The following MAGI1 variants were observed in gnomAD, a reference collection of about 807,000 sequenced individuals.
MAGI1 encodes the protein membrane-associated guanylate kinase, WW and PDZ domain-containing protein 1.
A neutral mutation model predicts 139.9 loss-of-function variants in MAGI1; 58 were observed. The observed-to-expected ratio is 0.41, with a 90% CI of 0.34 to 0.52. The LOEUF (loss-of-function observed/expected upper bound fraction) is 0.52, where lower values mean the gene tolerates loss of function less well. Among genes scored for constraint, MAGI1 ranks in the 20% least tolerant of loss-of-function variants. The pLI is 0.12. For missense variants in MAGI1, 1,874 were observed against 1,901.6 expected (o/e 0.99, Z 0.27); for synonymous variants, 812 against 737.9 (o/e 1.10, Z -1.63).
At position 65,389,375 on chromosome 3, in the gene MAGI1, C is replaced by T. The variant is rs28509290; in HGVS notation, c.2416+1767G>A. On this transcript the variant is annotated intron_variant, in intron 14 of 22. Coordinates refer to ENST00000402939, the MANE Select transcript of MAGI1 (RefSeq NM_001033057.2). ...TTGTCCTGTCAACCCAGGACGCCCC[C>T]GCCAGCCCTTCAGAATGCAATTCAT... is the stretch of plus-strand genomic sequence containing the variant. Among the ~76,000 whole-genome samples, 256 of 152,214 alleles carry T rather than the reference C, an allele frequency of 1.7e-3. 1 individual carries two copies. The highest frequency in any genetic ancestry group is 5.9e-3 in the African/African-American group (247 of 41,518).
chr3:65,388,718 A>G (rs1348367435), intron 14 of MAGI1, among the ~76,000 whole-genome samples: 1 of 151,832 alleles, frequency 6.6e-6, no homozygotes, highest in Non-Finnish European at 1.5e-5. Flanking sequence ...GCTACTATCT[A>G]TCCGTCAACT....
At chr3:65,963,410 G>T (rs1292885683) in intron 1 of MAGI1, among the ~76,000 whole-genome samples, 1 of 151,456 alleles carries the variant, frequency 6.6e-6, no homozygotes, top group Non-Finnish European at 1.5e-5. Context: ...AAGGTCAAGA[G>T]ATCCAGACCA....
intron 1 of MAGI1, among the ~76,000 whole-genome samples, chr3:65,679,000 T>G (rs10510944): frequency 0.011 from 1,638 of 152,286 alleles, 32 homozygotes; most frequent in African/African-American, 0.038. Context: ...AGAATCCTTT[T>G]TTACTTCCGT....
chr3:65,470,285 T>C lies in MAGI1; in HGVS notation c.957A>G (p.Ile319Met). ...AYTENGEVYF[I>M]DHNTKTTSWL... ...GTAGAAATAATGGTATACTTTACTC[T>C]ATAAAATAGACTTCTCCATTTTCAG... Residue 319 changes from isoleucine to methionine, a missense_variant and splice_region_variant, in exon 5 of 23, where the codon ATA (isoleucine) becomes ATG (methionine). This residue lies in a region of MAGI1 where 648 missense variants were observed against 598.1 expected (regional missense o/e 1.08). Transcript: ENST00000402939. 1 of 1,592,030 alleles carries C rather than the reference T, an allele frequency of 6.3e-7. No homozygotes were observed. Among genetic ancestry groups the C allele is most frequent in the Non-Finnish European group, 8.6e-7 (1 of 1,160,256 alleles).
intron 1 of MAGI1, among the ~76,000 whole-genome samples, chr3:65,935,944 C>A (rs2063029834): frequency 6.6e-6 from 1 of 152,226 alleles, no homozygotes; most frequent in South Asian, 2.1e-4. Flanking sequence ...CCCAGGTGAA[C>A]TCGGCAGATG....
chr3:65,835,733 A>G (rs960328376), intron 1 of MAGI1, among the ~76,000 whole-genome samples: 2 of 152,210 alleles, frequency 1.3e-5, no homozygotes, highest in African/African-American at 4.8e-5. Context: ...GTAAATGAGA[A>G]CATTCTTATT....
chr3:65,497,935 A>T (rs1218028184), intron 2 of MAGI1, among the ~76,000 whole-genome samples: 3 of 152,136 alleles, frequency 2.0e-5, no homozygotes, highest in Admixed American at 6.5e-5. Context: ...AGGGTTTATT[A>T]CCCAGACAAA....
chr3:65,775,252 C>G (rs2038280143), intron 1 of MAGI1, among the ~76,000 whole-genome samples: 1 of 151,874 alleles, frequency 6.6e-6, no homozygotes, highest in Non-Finnish European at 1.5e-5. Flanking sequence ...TTCAGACCAG[C>G]CTGGGCAACA....
intron 2 of MAGI1, among the ~76,000 whole-genome samples, chr3:65,575,869 G>C (rs1418200517): frequency 6.6e-6 from 1 of 152,116 alleles, no homozygotes; most frequent in Admixed American, 6.5e-5. Flanking sequence ...CTTAGCACCA[G>C]ATAACATGTT....
At position 65,724,413 on chromosome 3, in the gene MAGI1, T is replaced by G. The variant is rs77063686; in HGVS notation, c.314-102325A>C. 3.3e-5 allele frequency among the ~76,000 whole-genome samples: 5 copies of G among 152,324 alleles called. No individual in the cohort carries two copies. The East Asian group carries it at 9.6e-4, about 29-fold the overall frequency. ...ACCTGAGCATAGCCATAACTTCACCTGAGTATAGTCATAACTACAAAGTCT... is the reference window on the plus strand; with the variant it reads ...ACCTGAGCATAGCCATAACTTCACCGGAGTATAGTCATAACTACAAAGTCT... On this transcript the variant is annotated intron_variant, in intron 1 of 22. Coordinates refer to ENST00000402939, the MANE Select transcript of MAGI1 (RefSeq NM_001033057.2).
At chr3:65,917,936 T>C (rs923946554) in intron 1 of MAGI1, among the ~76,000 whole-genome samples, 1 of 152,144 alleles carries the variant, frequency 6.6e-6, no homozygotes. Flanking sequence ...TGGGTGATAA[T>C]GATGTGTCAA....
At chr3:65,724,502 G>A (rs188380420) in intron 1 of MAGI1, among the ~76,000 whole-genome samples, 90 of 152,278 alleles carry the variant, frequency 5.9e-4, no homozygotes, top group African/African-American at 1.8e-3. Context: ...TAGAATGGAT[G>A]CTATCTGAAA....
chr3:65,956,306 A>C (rs2064123877), intron 1 of MAGI1, among the ~76,000 whole-genome samples: 1 of 152,208 alleles, frequency 6.6e-6, no homozygotes, highest in Non-Finnish European at 1.5e-5. Flanking sequence ...GGAATTTAAA[A>C]TGACATCCCT....
At chr3:65,705,397 C>A (rs1462223483) in intron 1 of MAGI1, among the ~76,000 whole-genome samples, 1 of 152,134 alleles carries the variant, frequency 6.6e-6, no homozygotes, top group Non-Finnish European at 1.5e-5. Context: ...AGGAGCAATA[C>A]CAACAATACA....
At chr3:65,924,138 A>T (rs1445338679) in intron 1 of MAGI1, among the ~76,000 whole-genome samples, 14 of 152,114 alleles carry the variant, frequency 9.2e-5, no homozygotes, top group African/African-American at 2.4e-5. Flanking sequence ...ACCAATTGAC[A>T]CTCATTTAAA....
At chr3:65,891,683 T>C (rs528497508) in intron 1 of MAGI1, among the ~76,000 whole-genome samples, 2 of 131,288 alleles carry the variant, frequency 1.5e-5, no homozygotes, top group South Asian at 2.4e-4. Flanking sequence ...TGCATGACAA[T>C]AGCCCTAAGG....
chr3:65,546,964 T>G (rs891320744), intron 2 of MAGI1, among the ~76,000 whole-genome samples: 3 of 152,220 alleles, frequency 2.0e-5, no homozygotes, highest in African/African-American at 7.2e-5. Context: ...TTTGTGTCTA[T>G]GCATACATGT....
intron 12 of MAGI1, among the ~76,000 whole-genome samples, chr3:65,423,073 T>C (rs2107289991): frequency 6.6e-6 from 1 of 152,162 alleles, no homozygotes; most frequent in South Asian, 2.1e-4. Flanking sequence ...TAAACCAAGT[T>C]TGAGTACACT....
In MAGI1 at chr3:65,442,858, T is replaced by C. The variant is rs749283681; in HGVS notation, c.1079-9A>G. The C allele has an allele frequency of 6.2e-7, 1 of 1,610,728 alleles. No individual in the cohort carries two copies. The highest frequency in any genetic ancestry group is 8.5e-7 in the Non-Finnish European group (1 of 1,177,718). ...CCAACCAGCAGGCAGTTCTGAAAAA[T>C]AAAAGAACATTTAGGGCAAGAAGAG... On this transcript the variant is annotated splice_polypyrimidine_tract_variant and intron_variant, in intron 7 of 22. Coordinates refer to ENST00000402939, the MANE Select transcript of MAGI1 (RefSeq NM_001033057.2).
Sources: allele counts gnomAD v4.1 joint callset (sites outside exome capture counted in the v4.1 genomes callset), GRCh38; gene constraint gnomAD v4.1.1; regional missense constraint gnomAD v4.1.1; transcripts MANE v1.5; gene names NCBI Gene and HGNC (gene_info 2026-07-23, HGNC 2026-07-21).